The following FOXP2 variants were observed in gnomAD, a reference collection of about 807,000 sequenced individuals.
FOXP2 encodes forkhead box P2.
Under a neutral mutation model 115.8 loss-of-function variants are expected in FOXP2, and 12 were observed. The ratio of observed to expected loss-of-function variants is 0.10; its 90% CI spans 0.07 to 0.17. The LOEUF (loss-of-function observed/expected upper bound fraction) is 0.17, where lower values mean the gene tolerates loss of function less well. Among genes scored for constraint, FOXP2 ranks in the 10% least tolerant of loss-of-function variants. The pLI, the probability that FOXP2 is intolerant of heterozygous loss-of-function variation, is 1.00. For missense variants in FOXP2, 629 were observed against 843.5 expected (o/e 0.75, Z 3.15); for synonymous variants, 328 against 297.7 (o/e 1.10, Z -1.05).
intron 1 of FOXP2, among the ~76,000 whole-genome samples, chr7:114,224,064 G>T (rs1298197138): frequency 1.3e-4 from 20 of 151,988 alleles, no homozygotes; most frequent in Admixed American, 1.3e-3. Flanking sequence ...TCTAACCAAT[G>T]ATTTGGGCAC....
intron 1 of FOXP2, among the ~76,000 whole-genome samples, chr7:114,171,729 T>C (rs1793146088): frequency 6.6e-6 from 1 of 152,214 alleles, no homozygotes; most frequent in East Asian, 1.9e-4. Context: ...TTAAGAGATA[T>C]ATTTCATAAG....
At chr7:114,397,567 G>A (rs1031999456) in intron 2 of FOXP2, among the ~76,000 whole-genome samples, 6 of 152,236 alleles carry the variant, frequency 3.9e-5, no homozygotes, top group Admixed American at 2.6e-4. Flanking sequence ...ATGAAGGAGC[G>A]TTGCAAAGAG....
At chr7:114,122,983 G>C (rs767181030) in intron 1 of FOXP2, among the ~76,000 whole-genome samples, 50 of 151,790 alleles carry the variant, frequency 3.3e-4, no homozygotes, top group Non-Finnish European at 5.9e-4. Context: ...CTGACGATTG[G>C]TATTGAATCA....
At chr7:114,087,445 G>T (rs540546310), upstream of FOXP2, among the ~76,000 whole-genome samples, 69 of 142,440 alleles carry the variant, frequency 4.8e-4, no homozygotes, top group African/African-American at 1.8e-3. Context: ...TGGGTTTGGG[G>T]TGAAATCGCA....
chr7:114,462,980 A>G, intron 2 of FOXP2: 8 of 331,600 alleles, frequency 2.4e-5, no homozygotes, highest in African/African-American at 2.2e-5. Flanking sequence ...ATAACTTGCA[A>G]ATAGTTCATC....
At position 114,447,899 on chromosome 7, in the gene FOXP2, A is replaced by G. The variant is rs2396750; in HGVS notation, c.168+21220A>G. ...AATAAATTTTGTTGAATGCAAATGA[A>G]TGAATGCATCTGAGAGCTGGAATGA... is the stretch of plus-strand genomic sequence containing the variant. On this transcript the variant is annotated intron_variant, in intron 2 of 16. Transcript: ENST00000350908. Among the ~76,000 whole-genome samples the G allele has an allele frequency of 3.3e-3, 502 of 152,308 alleles. 11 individuals are homozygous for G. Among genetic ancestry groups the G allele is most frequent in the Admixed American group, 0.027 (417 of 15,284 alleles).
intron 2 of FOXP2, among the ~76,000 whole-genome samples, chr7:114,312,137 A>C (rs1260366173): frequency 6.6e-6 from 1 of 152,010 alleles, no homozygotes; most frequent in East Asian, 1.9e-4. Context: ...AGTTCACCCA[A>C]ATCTCCATAT....
intron 3 of FOXP2, among the ~76,000 whole-genome samples, chr7:114,535,222 CTA>C (rs1255345947): frequency 6.6e-6 from 1 of 151,542 alleles, no homozygotes; most frequent in African/African-American, 2.4e-5. Context: ...TCCTTACTCA[CTA>C]TGTTTGTCCT....
chr7:114,526,292 C>A (rs754245940), intron 2 of FOXP2, among the ~76,000 whole-genome samples: 1 of 149,522 alleles, frequency 6.7e-6, no homozygotes, highest in South Asian at 2.1e-4. Context: ...GCCTGGCCAA[C>A]GTGGCGAAAC....
At chr7:114,124,100 G>A (rs1032001881) in intron 1 of FOXP2, among the ~76,000 whole-genome samples, 13 of 151,756 alleles carry the variant, frequency 8.6e-5, no homozygotes, top group Admixed American at 2.0e-4. Flanking sequence ...TGTAAAATTT[G>A]CATAATGTAA....
At position 114,452,919 on chromosome 7, in the gene FOXP2, A is replaced by G. The variant is rs375963696; in HGVS notation, c.168+26240A>G. Reference sequence around the variant, plus strand: ...CCTTTGTCTTCTTTGCAAGTCTAAGAGACTTATGTTAACTGCCTTCTCTTA... The same window carrying G: ...CCTTTGTCTTCTTTGCAAGTCTAAGGGACTTATGTTAACTGCCTTCTCTTA... On this transcript the variant is annotated intron_variant, in intron 2 of 16. Coordinates refer to ENST00000350908, the MANE Select transcript of FOXP2 (RefSeq NM_014491.4). Among the ~76,000 whole-genome samples, 19 of 152,208 alleles carry G rather than the reference A, an allele frequency of 1.2e-4. No individual in the cohort carries two copies. The East Asian group carries it at 1.4e-3, about 11-fold the overall frequency.
intron 1 of FOXP2, among the ~76,000 whole-genome samples, chr7:114,277,095 G>A (rs1194329): frequency 0.56 from 85,374 of 151,916 alleles, 26,757 homozygotes; most frequent in Admixed American, 0.74. Flanking sequence ...TTTAGAAGTC[G>A]GAACCCACTG....
At chr7:114,417,959 A>C (rs771365506) in intron 1 of FOXP2, among the ~76,000 whole-genome samples, 3 of 151,936 alleles carry the variant, frequency 2.0e-5, no homozygotes, top group Non-Finnish European at 2.9e-5. Context: ...AAAGTACTTT[A>C]TTGCATCTTA....
At chr7:114,630,425 TCACA>T (rs1185681449) in intron 5 of FOXP2, among the ~76,000 whole-genome samples, 2 of 152,140 alleles carry the variant, frequency 1.3e-5, no homozygotes, top group African/African-American at 4.8e-5. Context: ...GATTTCAAAG[TCACA>T]GGCCCCTGAT....
At chr7:114,100,739 A>T (rs1057050194) in intron 1 of FOXP2, among the ~76,000 whole-genome samples, 2 of 152,168 alleles carry the variant, frequency 1.3e-5, no homozygotes, top group Non-Finnish European at 2.9e-5. Context: ...ACTTGTCATT[A>T]GTCCTTTGGG....
chr7:114,558,012 T>C (rs957328069), intron 3 of FOXP2, among the ~76,000 whole-genome samples: 1 of 152,076 alleles, frequency 6.6e-6, no homozygotes, highest in African/African-American at 2.4e-5. Flanking sequence ...TTTCACCATC[T>C]TGGCCAGGCT....
At chr7:114,250,810 T>C (rs368157173) in intron 1 of FOXP2, among the ~76,000 whole-genome samples, 2 of 152,106 alleles carry the variant, frequency 1.3e-5, no homozygotes, top group African/African-American at 2.4e-5. Flanking sequence ...AATTAGATCC[T>C]ATTTGTCAAT....
At chr7:114,385,641 C>G (rs562773107) in intron 2 of FOXP2, among the ~76,000 whole-genome samples, 4 of 152,284 alleles carry the variant, frequency 2.6e-5, no homozygotes, top group African/African-American at 9.6e-5. Context: ...AGTTCGGCGA[C>G]CATGCTAATC....
intron 3 of FOXP2, among the ~76,000 whole-genome samples, chr7:114,567,837 G>A (rs1244610759): frequency 2.6e-5 from 4 of 151,926 alleles, no homozygotes; most frequent in Admixed American, 2.6e-4. Flanking sequence ...AAAGCTTTAG[G>A]GAAGCCATGA....
Sources: gnomAD v4.1 joint callset for allele counts (sites outside exome capture counted in the v4.1 genomes callset) on GRCh38, gnomAD v4.1.1 for gene constraint, MANE v1.5 for transcripts, NCBI Gene and HGNC (gene_info 2026-07-23, HGNC 2026-07-21) for gene names.